Variants in MPHOSPH8 observed in about 807,000 individuals in gnomAD.
MPHOSPH8 encodes M-phase phosphoprotein, mpp.
A neutral mutation model predicts 87.3 loss-of-function variants in MPHOSPH8; 45 were observed. The ratio of observed to expected loss-of-function variants is 0.52; its 90% CI spans 0.41 to 0.66. The LOEUF (loss-of-function observed/expected upper bound fraction) is 0.66. Ranked by LOEUF, MPHOSPH8 falls within the 30% of genes least tolerant of loss-of-function variation. The pLI, the probability that MPHOSPH8 is intolerant of heterozygous loss-of-function variation, is 0.00. For synonymous variants in MPHOSPH8, 366 were observed against 376.9 expected (o/e 0.97, Z 0.33); for missense variants, 883 against 1,020.2 (o/e 0.87, Z 1.83).
At chr13:19,644,053 C>G (rs1874444560) in intron 2 of MPHOSPH8, among the ~76,000 whole-genome samples, 1 of 152,170 alleles carries the variant, frequency 6.6e-6, no homozygotes, top group Non-Finnish European at 1.5e-5. Flanking sequence ...GTTCCACATT[C>G]ATTTGTAGTT....
At chr13:19,651,020 T>C (rs1369826633) in intron 5 of MPHOSPH8, among the ~76,000 whole-genome samples, 1 of 152,154 alleles carries the variant, frequency 6.6e-6, no homozygotes, top group Non-Finnish European at 1.5e-5. Context: ...AGATGCCAAA[T>C]AGTAACACTG....
intron 5 of MPHOSPH8, among the ~76,000 whole-genome samples, chr13:19,651,686 C>T (rs574128246): frequency 6.2e-4 from 95 of 152,154 alleles, no homozygotes; most frequent in Non-Finnish European, 1.2e-3. Context: ...TCCTGGTCAA[C>T]ATAGCAAGAC....
chr13:19,649,254 A>G (rs775566351), intron 4 of MPHOSPH8, among the ~76,000 whole-genome samples: 21 of 151,924 alleles, frequency 1.4e-4, no homozygotes, highest in Non-Finnish European at 2.2e-4. Flanking sequence ...ATACTGTAAA[A>G]CTGGACCTGG....
intron 1 of MPHOSPH8, among the ~76,000 whole-genome samples, chr13:19,639,878 A>G (rs187382132): frequency 0.012 from 1,775 of 151,308 alleles, 30 homozygotes; most frequent in African/African-American, 0.042. Context: ...GCCGAGGCGG[A>G]CAGATCTCTT....
chr13:19,646,575 C>T lies in MPHOSPH8; in HGVS notation c.502C>T (p.Leu168=). ...GAGAGAAGAGAAAAGCCCAGATGAT[C>T]TGAAAAAGAAAAAAGCAAAGGCCGG... ...RQREEKSPDD[L]KKKKAKAGKL... The change falls in exon 3 of 14, where the codon CTG becomes TTG. Residue 168 remains leucine, a synonymous_variant. Transcript: ENST00000361479. 1 of 1,583,234 alleles carries T rather than the reference C, an allele frequency of 6.3e-7. No homozygotes were observed. Among genetic ancestry groups the T allele is most frequent in the Non-Finnish European group, 8.5e-7 (1 of 1,172,848 alleles).
chr13:19,669,411 C>T (rs1255511289), intron 11 of MPHOSPH8, among the ~76,000 whole-genome samples: 6 of 151,954 alleles, frequency 3.9e-5, no homozygotes, highest in African/African-American at 7.2e-5. Flanking sequence ...TACCAGAGAA[C>T]GATGCCCTGA....
At chr13:19,669,939 C>T (rs998473500) in intron 11 of MPHOSPH8, among the ~76,000 whole-genome samples, 5 of 152,226 alleles carry the variant, frequency 3.3e-5, no homozygotes, top group Admixed American at 2.0e-4. Flanking sequence ...TGTGCACATT[C>T]AGCAGCAGTG....
intron 12 of MPHOSPH8, chr13:19,670,725 C>A: frequency 1.7e-6 from 2 of 1,162,194 alleles, no homozygotes; most frequent in South Asian, 1.6e-5. Context: ...CATTTTAACA[C>A]TTGTACTGTA....
Position 19,661,797 on chromosome 13 carries a change from CAGA to C in MPHOSPH8, c.1896_1898del (p.Lys632del). The C allele has an allele frequency of 6.2e-7, 1 of 1,613,330 alleles. No homozygotes were observed. The highest frequency in any genetic ancestry group is 8.5e-7 in the Non-Finnish European group (1 of 1,179,622). On this transcript the variant is annotated inframe_deletion, in exon 8 of 14. Transcript: ENST00000361479. ...AAAAGGCGCGAAAGTGAACGGTCGG[CAGA>C]AGAACGGGACCACCGCCCTCATTCA...
chr13:19,655,109 G>C (rs1875081043), intron 5 of MPHOSPH8, among the ~76,000 whole-genome samples: 1 of 152,170 alleles, frequency 6.6e-6, no homozygotes, highest in African/African-American at 2.4e-5. Flanking sequence ...TGATTTAATA[G>C]CATTCTTGAT....
chr13:19,646,339 G>A (rs1340051950), intron 2 of MPHOSPH8, 104 bp from the exon 3 acceptor site: 1 of 1,013,078 alleles, frequency 9.9e-7, no homozygotes, highest in Non-Finnish European at 1.3e-6. Flanking sequence ...TTGAGATTCT[G>A]CTTGGAACAA....
intron 1 of MPHOSPH8, among the ~76,000 whole-genome samples, chr13:19,639,024 A>C (rs1418375639): frequency 6.7e-6 from 1 of 150,100 alleles, no homozygotes. Flanking sequence ...CAGAGGTTGC[A>C]GTGAGCTGAG....
chr13:19,649,183 T>C (rs993574457), intron 4 of MPHOSPH8, among the ~76,000 whole-genome samples: 1 of 152,246 alleles, frequency 6.6e-6, no homozygotes, highest in Non-Finnish European at 1.5e-5. Context: ...AGACTGTTGT[T>C]CAAAGCAAAA....
At chr13:19,640,120 A>G (rs1874212746) in intron 1 of MPHOSPH8, among the ~76,000 whole-genome samples, 1 of 152,090 alleles carries the variant, frequency 6.6e-6, no homozygotes, top group African/African-American at 2.4e-5. Context: ...CAAAAAGAAA[A>G]AAAAAGCTGT....
chr13:19,646,815 G>A lies in MPHOSPH8; in HGVS notation c.742G>A (p.Glu248Lys), dbSNP rs1874588026. The change falls in exon 3 of 14, where the codon GAA becomes AAA. Residue 248 changes from glutamate to lysine, a missense_variant. By Grantham distance (56) the Glu-to-Lys change is moderately conservative. Transcript: ENST00000361479. ...GACGAAAACAAGAGAAGATCCCAAA[G>A]AAAATAGAAAAACAAAAAAAGAAAA... is the stretch of plus-strand genomic sequence containing the variant. ...LKTKTREDPK[E>K]NRKTKKEKFV... 2.5e-6 allele frequency: 4 copies of A among 1,592,716 alleles called. No homozygotes were observed. The highest frequency in any genetic ancestry group is 3.4e-6 in the Non-Finnish European group (4 of 1,174,090).
intron 9 of MPHOSPH8, among the ~76,000 whole-genome samples, chr13:19,664,774 A>G (rs1050810505): frequency 6.6e-6 from 1 of 151,910 alleles, no homozygotes; most frequent in Admixed American, 6.6e-5. Flanking sequence ...GGTCGTGTAG[A>G]TGTCACCTCT....
chr13:19,656,277 C>CAAAAAAAAAAAAAAA (rs71198922), intron 5 of MPHOSPH8, among the ~76,000 whole-genome samples: 1 of 72,246 alleles, frequency 1.4e-5, no homozygotes, highest in Non-Finnish European at 2.3e-5. Context: ...AGACTGTTGT[C>CAAAAAAAAAAAAAAA]AAAAAAAAAA....
chr13:19,660,248 G>A (rs751315739), intron 7 of MPHOSPH8, among the ~76,000 whole-genome samples: 7 of 151,808 alleles, frequency 4.6e-5, no homozygotes, highest in Admixed American at 1.3e-4. Flanking sequence ...GATTACAGGC[G>A]TGAGCCACCG....
chr13:19,633,950 A>C lies in MPHOSPH8; in HGVS notation c.202A>C (p.Lys68Gln). 1 of 1,608,534 alleles carries C rather than the reference A, an allele frequency of 6.2e-7. No homozygotes were observed. Among genetic ancestry groups the C allele is most frequent in the Non-Finnish European group, 8.5e-7 (1 of 1,178,074 alleles). Reference protein sequence around the residue: ...VFEVEKILDMKTEGGKVLYKV... With the variant: ...VFEVEKILDMQTEGGKVLYKV... Reference sequence around the variant, plus strand: ...CGAGGTGGAGAAGATCCTGGACATGAAGACCGAGGGGGTATGTGGAGGGGC... The same window carrying C: ...CGAGGTGGAGAAGATCCTGGACATGCAGACCGAGGGGGTATGTGGAGGGGC... The change falls in exon 1 of 14, where the codon AAG (lysine) becomes CAG (glutamine). Residue 68 changes from lysine (K) to glutamine (Q), a missense_variant. Physicochemically the swap from Lys to Gln is moderately conservative, Grantham distance 53. This residue lies in a region of MPHOSPH8 where 103 missense variants were observed against 96.3 expected (regional missense o/e 1.07). Coordinates refer to ENST00000361479, the MANE Select transcript of MPHOSPH8 (RefSeq NM_017520.4).
Sources: allele counts gnomAD v4.1 joint callset (sites outside exome capture counted in the v4.1 genomes callset), GRCh38; gene constraint gnomAD v4.1.1; regional missense constraint gnomAD v4.1.1; transcripts MANE v1.5; gene names NCBI Gene and HGNC (gene_info 2026-07-23, HGNC 2026-07-21).